The following VPS39 variants were observed in gnomAD, a reference collection of about 807,000 sequenced individuals.
VPS39 encodes the protein vam6/Vps39-like protein.
Under a neutral mutation model 121.0 loss-of-function variants are expected in VPS39, and 70 were observed. The ratio of observed to expected loss-of-function variants is 0.58; its 90% CI spans 0.48 to 0.71. VPS39 has a LOEUF of 0.71. VPS39 is among the 30% of genes least tolerant of loss of function. VPS39 has a pLI of 0.00. For missense variants in VPS39, 818 were observed against 1,051.5 expected, an observed-to-expected ratio of 0.78 and a Z score of 3.07; for synonymous variants, 378 against 398.1, an observed-to-expected ratio of 0.95 and a Z score of 0.60.
At chr15:42,187,123 T>C (rs1175095640) in intron 7 of VPS39, 148 bp downstream of exon 7, 3 of 581,850 alleles carry the variant, frequency 5.2e-6, no homozygotes, top group Non-Finnish European at 8.8e-6. Flanking sequence ...TGAAAAATGC[T>C]GAGCATGAAT....
At position 42,191,560 on chromosome 15, in the gene VPS39, C is replaced by G; in HGVS notation, c.140G>C (p.Gly47Ala). 2.5e-6 allele frequency: 4 copies of G among 1,613,476 alleles called. No individual in the cohort carries two copies. The highest frequency in any genetic ancestry group is 3.4e-6 in the Non-Finnish European group (4 of 1,179,780). Residue 47 changes from glycine (G) to alanine (A), a missense_variant and splice_region_variant, in exon 3 of 25, where the codon GGT becomes GCT. Coordinates refer to ENST00000318006, the MANE Select transcript of VPS39 (RefSeq NM_015289.5). Reference protein sequence around the residue: ...LLLYRIRKDVGCNRFEVTLEK... With the variant: ...LLLYRIRKDVACNRFEVTLEK... ...TAGTGTCACTTCAAATCTGTTGCAA[C>G]CTATGGAAAACAAATAAACACTGGT...
chr15:42,185,675 GA>G (rs1225904891), intron 7 of VPS39, among the ~76,000 whole-genome samples: 3 of 152,274 alleles, frequency 2.0e-5, no homozygotes, highest in African/African-American at 7.2e-5. Context: ...TGACATTCTG[GA>G]AAAGGCAAAG....
intron 8 of VPS39, among the ~76,000 whole-genome samples, chr15:42,183,326 T>C (rs2049627396): frequency 6.6e-6 from 1 of 151,878 alleles, no homozygotes; most frequent in Non-Finnish European, 1.5e-5. Context: ...GATTGTGAAC[T>C]CCTGAGCTTA....
At chr15:42,167,793 C>T (rs1175679222) in intron 12 of VPS39, among the ~76,000 whole-genome samples, 1 of 152,124 alleles carries the variant, frequency 6.6e-6, no homozygotes, top group East Asian at 1.9e-4. Context: ...ATAATATTAT[C>T]CTTATTTTAC....
At position 42,184,641 on chromosome 15, in the gene VPS39, T is replaced by C; in HGVS notation, c.594A>G (p.Leu198=). The change falls in exon 8 of 25, where the codon TTA becomes TTG. Residue 198 remains leucine (L), a synonymous_variant. Transcript: ENST00000318006. The part of the protein sequence containing the change: ...LFPTGKQLEP[L]VAPLADGKVA... ...CTTTTCCATCTGCCAGAGGTGCAAC[T>C]AAGGGCTCCAGCTGTTTTCCTGTTG... 1 of 1,614,162 alleles carries C rather than the reference T, an allele frequency of 6.2e-7. No homozygotes were observed.
At chr15:42,197,027 A>G (rs1481336314) in intron 2 of VPS39, among the ~76,000 whole-genome samples, 2 of 151,894 alleles carry the variant, frequency 1.3e-5, no homozygotes, top group South Asian at 2.1e-4. Flanking sequence ...CTTTGTAGGG[A>G]CATGGATGAA....
At chr15:42,205,805 C>A (rs906761443) in intron 1 of VPS39, among the ~76,000 whole-genome samples, 1 of 152,078 alleles carries the variant, frequency 6.6e-6, no homozygotes, top group African/African-American at 2.4e-5. Context: ...GATGATGGTG[C>A]CTTCAAGAGT....
intron 23 of VPS39, 80 bp from the exon 24 acceptor site, chr15:42,161,853 C>T: frequency 6.3e-7 from 1 of 1,589,318 alleles, no homozygotes; most frequent in Non-Finnish European, 8.6e-7. Context: ...CAACTGTGTC[C>T]TCTTTCAGTC....
chr15:42,198,144 G>T (rs1380902150), intron 2 of VPS39, among the ~76,000 whole-genome samples: 4 of 152,136 alleles, frequency 2.6e-5, no homozygotes, highest in Non-Finnish European at 5.9e-5. Flanking sequence ...ACCAGTTCAG[G>T]TCTATACTGT....
chr15:42,178,559 G>A lies in VPS39; in HGVS notation c.730C>T (p.Pro244Ser). 6.2e-7 allele frequency: 1 copy of A among 1,614,118 alleles called. No homozygotes were observed. The highest frequency in any genetic ancestry group is 8.5e-7 in the Non-Finnish European group (1 of 1,180,022). Residue 244 changes from proline (P) to serine (S), a missense_variant, in exon 9 of 25, where the codon CCC becomes TCC. Coordinates refer to ENST00000318006, the MANE Select transcript of VPS39 (RefSeq NM_015289.5). ...DIPVAMEHQPPYIIAVLPRYV... is the reference protein window; with the variant it reads ...DIPVAMEHQPSYIIAVLPRYV... ...CGAGGCAACACTGCAATGATGTAGG[G>A]AGGCTGGTGCTCTGTGAAAGAGAAC... is the stretch of plus-strand genomic sequence containing the variant.
At chr15:42,163,211 C>T in intron 21 of VPS39, 139 bp downstream of exon 21, 1 of 1,036,132 alleles carries the variant, frequency 9.7e-7, no homozygotes, top group Non-Finnish European at 1.5e-6. Context: ...CCTGCTGTCC[C>T]TCAATACACA....
At position 42,173,721 on chromosome 15, in the gene VPS39, A is replaced by G. The variant is rs879507055; in HGVS notation, c.1090+2T>C. On this transcript the variant is annotated splice_donor_variant, in intron 11 of 24. Coordinates refer to ENST00000318006, the MANE Select transcript of VPS39 (RefSeq NM_015289.5). LOFTEE classifies it high-confidence loss of function. ...TTATATAAAGGCCTCACCACTTGTT[A>G]CCTGTGCCAAGTTTAGCAAAGACCT... The G allele has an allele frequency of 6.2e-7, 1 of 1,613,872 alleles. No individual in the cohort carries two copies. The highest frequency in any genetic ancestry group is 8.5e-7 in the Non-Finnish European group (1 of 1,179,850).
rs1050066026 is a variant in VPS39 at position 42,158,813 on chromosome 15, CAG to C, written c.*1939_*1940del. The C allele has an allele frequency of 3.9e-5, 6 of 152,196 alleles. No homozygotes were observed. The highest frequency in any genetic ancestry group is 9.7e-5 in the African/African-American group (4 of 41,430). The allele number at this position is 152,196 out of a possible 1,614,324, so 9.4% of individuals were successfully genotyped here. A position where few individuals can be genotyped will look rare whatever the true frequency, so the allele number is the denominator to read the frequency against. On this transcript the variant is annotated 3_prime_UTR_variant, in exon 25 of 25. Coordinates refer to ENST00000318006, the MANE Select transcript of VPS39 (RefSeq NM_015289.5). ...GCCTTCTCCATAGCTCTGTGGAGGG[CAG>C]AGAGTTGAGGGAAGGAAGAATGGAG...
chr15:42,165,833 G>A lies in VPS39; in HGVS notation c.1681-17C>T, dbSNP rs761277845. ...AGTAAATATCTGTTAGAATGAACCC[G>A]AGTTCCAGCAGCAGAACCATCTGAC... On this transcript the variant is annotated splice_polypyrimidine_tract_variant and intron_variant, in intron 16 of 24. Transcript: ENST00000318006. The A allele has an allele frequency of 1.4e-5, 23 of 1,608,826 alleles. No individual in the cohort carries two copies. The highest frequency in any genetic ancestry group is 4.0e-5 in the African/African-American group (3 of 74,802).
chr15:42,162,428 C>G lies in VPS39; in HGVS notation c.2229G>C (p.Leu743=). The change falls in exon 22 of 25, where the codon CTG becomes CTC. Residue 743 remains leucine, a synonymous_variant. Coordinates refer to ENST00000318006, the MANE Select transcript of VPS39 (RefSeq NM_015289.5). ...CCAGTAGTTCCAGCTTGATTGGCCC[C>G]AGGCAGTGAATGCTGGGGGGCGACA... ...MYLSPPSIHC[L]GPIKLELLEP... 1.2e-6 allele frequency: 2 copies of G among 1,613,420 alleles called. No individual in the cohort carries two copies. The highest frequency in any genetic ancestry group is 3.3e-5 in the Admixed American group (2 of 59,930).
intron 2 of VPS39, among the ~76,000 whole-genome samples, chr15:42,195,282 G>A (rs61020196): frequency 6.6e-6 from 1 of 152,042 alleles, no homozygotes; most frequent in African/African-American, 2.4e-5. Context: ...CTCTAAAATA[G>A]TACAAAAATT....
intron 19 of VPS39, 57 bp downstream of exon 19, chr15:42,164,299 GGA>G: frequency 6.2e-7 from 1 of 1,602,796 alleles, no homozygotes; most frequent in Non-Finnish European, 8.5e-7. Context: ...TTAAAGGGGT[GGA>G]TTAGTCTTTG....
intron 16 of VPS39, 90 bp downstream of exon 16, chr15:42,166,069 G>T: frequency 7.6e-7 from 1 of 1,321,160 alleles, no homozygotes; most frequent in Non-Finnish European, 1.1e-6. Flanking sequence ...ACAGATGCAT[G>T]AATCCACCCT....
At chr15:42,166,076 C>CCCT (rs2049237092) in intron 16 of VPS39, 83 bp downstream of exon 16, 9 of 1,364,692 alleles carry the variant, frequency 6.6e-6, no homozygotes, top group Non-Finnish European at 9.4e-6. Context: ...CATGAATCCA[C>CCCT]CCTCCTCTCC....
Sources: gnomAD v4.1 joint callset for allele counts (sites outside exome capture counted in the v4.1 genomes callset) on GRCh38, gnomAD v4.1.1 for gene constraint, MANE v1.5 for transcripts, NCBI Gene and HGNC (gene_info 2026-07-23, HGNC 2026-07-21) for gene names.